Variants in CRTAC1 observed in about 807,000 individuals in gnomAD.
The protein encoded by CRTAC1 is cartilage acidic protein 1.
CRTAC1 carries 37 observed loss-of-function variants against 67.8 expected under a neutral mutation model. That is an observed-to-expected ratio of 0.55 (90% CI 0.42 to 0.72). The LOEUF is 0.72. Ranked by LOEUF, CRTAC1 falls within the 30% of genes least tolerant of loss-of-function variation. CRTAC1 has a pLI of 0.00. For synonymous variants in CRTAC1, 348 were observed against 371.0 expected (o/e 0.94, Z 0.71); for missense variants, 780 against 931.6 (o/e 0.84, Z 2.12).
chr10:97,958,282 C>T (rs957928895), intron 2 of CRTAC1, among the ~76,000 whole-genome samples: 2 of 152,130 alleles, frequency 1.3e-5, no homozygotes, highest in Non-Finnish European at 2.9e-5. Context: ...AGGGTGGGTG[C>T]ATCACATGCC....
At chr10:97,997,606 A>T (rs905866013) in intron 2 of CRTAC1, among the ~76,000 whole-genome samples, 4 of 152,196 alleles carry the variant, frequency 2.6e-5, no homozygotes, top group Admixed American at 2.6e-4. Flanking sequence ...GACTGCGGAT[A>T]TTAGAACTGT....
intron 2 of CRTAC1, among the ~76,000 whole-genome samples, chr10:98,009,328 C>T (rs756453130): frequency 6.6e-6 from 1 of 152,166 alleles, no homozygotes; most frequent in South Asian, 2.1e-4. Flanking sequence ...CAACACAGAA[C>T]ATTTACATCA....
intron 2 of CRTAC1, among the ~76,000 whole-genome samples, chr10:97,997,183 T>C (rs1344738386): frequency 6.7e-6 from 1 of 148,588 alleles, no homozygotes; most frequent in Non-Finnish European, 1.5e-5. Flanking sequence ...CATGTATACA[T>C]ATGTAACTAA....
intron 3 of CRTAC1, among the ~76,000 whole-genome samples, chr10:97,934,102 C>T (rs1358380301): frequency 6.6e-6 from 1 of 152,166 alleles, no homozygotes; most frequent in East Asian, 1.9e-4. Flanking sequence ...TGGTCTGTCC[C>T]CTTCCTCTGG....
At chr10:98,012,110 G>A (rs960132085) in intron 1 of CRTAC1, among the ~76,000 whole-genome samples, 5 of 152,152 alleles carry the variant, frequency 3.3e-5, no homozygotes, top group Admixed American at 2.6e-4. Flanking sequence ...AGGATCTGGC[G>A]GATAGCACAT....
At chr10:97,980,690 C>T (rs928022063) in intron 2 of CRTAC1, among the ~76,000 whole-genome samples, 7 of 152,284 alleles carry the variant, frequency 4.6e-5, no homozygotes, top group East Asian at 1.9e-4. Context: ...AACTTAGACA[C>T]GGAGGCACCT....
At chr10:97,879,608 C>T (rs1472835088) in intron 14 of CRTAC1, 1 of 1,500,278 alleles carries the variant, frequency 6.7e-7, no homozygotes, top group African/African-American at 1.4e-5. Flanking sequence ...GAGAGAGAGA[C>T]AAGCAGCAGG....
rs756504264 is a variant in CRTAC1 at position 97,884,263 on chromosome 10, C to G, written c.1575G>C (p.Val525=). 5.8e-5 allele frequency: 90 copies of G among 1,563,270 alleles called. No homozygotes were observed. Among genetic ancestry groups the G allele is most frequent in the Non-Finnish European group, 7.2e-5 (83 of 1,152,888 alleles). The change falls in exon 12 of 15, where the codon GTG becomes GTC. Residue 525 remains valine (V), a synonymous_variant. Coordinates refer to ENST00000370597, the MANE Select transcript of CRTAC1 (RefSeq NM_018058.7). The part of the protein sequence containing the change: ...RNVASGEMNS[V]LEILYPRDED... ...CATCCCGGGGGTAGAGGATCTCCAG[C>G]ACTGAGTTCATCTCCCCGCTGGCCA...
At chr10:97,953,402 G>A (rs1006594717) in intron 2 of CRTAC1, among the ~76,000 whole-genome samples, 2 of 152,100 alleles carry the variant, frequency 1.3e-5, no homozygotes, top group African/African-American at 4.8e-5. Context: ...GATGCATCAA[G>A]GTGTGATAGC....
chr10:97,959,635 GC>G (rs2051492452), intron 2 of CRTAC1, among the ~76,000 whole-genome samples: 1 of 152,164 alleles, frequency 6.6e-6, no homozygotes, highest in African/African-American at 2.4e-5. Flanking sequence ...TTACTGCCTG[GC>G]CCCCTGCCAC....
intron 2 of CRTAC1, among the ~76,000 whole-genome samples, chr10:97,966,429 C>T (rs962377195): frequency 9.2e-5 from 14 of 152,268 alleles, no homozygotes; most frequent in African/African-American, 3.4e-4. Flanking sequence ...TTTTTAAGTG[C>T]ACATTTTAGT....
intron 2 of CRTAC1, among the ~76,000 whole-genome samples, 154 bp from the exon 3 acceptor site, chr10:97,936,520 T>C (rs1411918411): frequency 6.6e-6 from 1 of 152,188 alleles, no homozygotes; most frequent in East Asian, 1.9e-4. Context: ...CCTTGCCTCA[T>C]GGAACCCTGA....
chr10:97,878,751 TAG>T, intron 14 of CRTAC1: 1 of 1,293,344 alleles, frequency 7.7e-7, no homozygotes, highest in Non-Finnish European at 1.0e-6. Flanking sequence ...TGAGGAGTCT[TAG>T]AAAGGAAAGG....
intron 2 of CRTAC1, among the ~76,000 whole-genome samples, chr10:97,969,248 AGG>A (rs2051667989): frequency 6.6e-6 from 1 of 152,052 alleles, no homozygotes; most frequent in Non-Finnish European, 1.5e-5. Flanking sequence ...CTGGGGGAGG[AGG>A]AGCTTCTAGA....
At chr10:97,924,537 C>T (rs2050886358) in intron 3 of CRTAC1, among the ~76,000 whole-genome samples, 1 of 152,124 alleles carries the variant, frequency 6.6e-6, no homozygotes, top group African/African-American at 2.4e-5. Flanking sequence ...ATCTGGAGCC[C>T]CAGTGTTGGT....
At chr10:97,957,915 C>A (rs1193784915) in intron 2 of CRTAC1, among the ~76,000 whole-genome samples, 2 of 152,096 alleles carry the variant, frequency 1.3e-5, no homozygotes, top group African/African-American at 4.8e-5. Context: ...ACCTATGTGA[C>A]ATGGCTTTGA....
chr10:97,925,796 G>A (rs2050907239), intron 3 of CRTAC1, among the ~76,000 whole-genome samples: 1 of 152,240 alleles, frequency 6.6e-6, no homozygotes, highest in South Asian at 2.1e-4. Context: ...ACAGTCAAGT[G>A]TGTGTGTGGA....
chr10:97,872,299 C>T (rs2050102476), intron 14 of CRTAC1, among the ~76,000 whole-genome samples: 1 of 152,180 alleles, frequency 6.6e-6, no homozygotes, highest in African/African-American at 2.4e-5. Context: ...AGGCAGTGGT[C>T]ACTGAAGGAT....
At chr10:97,970,398 C>T (rs941963676) in intron 2 of CRTAC1, among the ~76,000 whole-genome samples, 3 of 152,212 alleles carry the variant, frequency 2.0e-5, no homozygotes, top group African/African-American at 4.8e-5. Context: ...CTTCTCCTAA[C>T]GGCTTTCTTC....
Sources: gnomAD v4.1 joint callset for allele counts (sites outside exome capture counted in the v4.1 genomes callset) on GRCh38, gnomAD v4.1.1 for gene constraint, MANE v1.5 for transcripts, NCBI Gene and HGNC (gene_info 2026-07-23, HGNC 2026-07-21) for gene names.